The following FLRT1 variants were observed in gnomAD, a reference collection of about 807,000 sequenced individuals.
FLRT1 encodes the protein fibronectin leucine rich transmembrane protein 1.
A neutral mutation model predicts 30.9 loss-of-function variants in FLRT1; 14 were observed. The observed-to-expected ratio is 0.45, with a 90% CI of 0.30 to 0.71. FLRT1 has a LOEUF of 0.71. Ranked by LOEUF, FLRT1 falls within the 30% of genes least tolerant of loss-of-function variation. The pLI is 0.08. For synonymous variants in FLRT1, 368 were observed against 430.4 expected (o/e 0.85, Z 1.80); for missense variants, 737 against 949.2 (o/e 0.78, Z 2.94).
chr11:64,074,308 G>A (rs1944162522), intron 1 of FLRT1, among the ~76,000 whole-genome samples: 1 of 152,146 alleles, frequency 6.6e-6, no homozygotes, highest in South Asian at 2.1e-4. Context: ...CCTAGCTGCC[G>A]AGCTCCTATG....
intron 1 of FLRT1, chr11:64,081,915 C>A (rs1404276810): frequency 6.6e-6 from 1 of 152,200 alleles, no homozygotes; most frequent in Admixed American, 6.5e-5. Context: ...CTGCAGCCCT[C>A]TGGACTCCCG....
chr11:64,046,291 G>A (rs1037822444), intron 1 of FLRT1, among the ~76,000 whole-genome samples: 1 of 152,206 alleles, frequency 6.6e-6, no homozygotes. Context: ...GAACCTTCTA[G>A]TAGCAAACTT....
intron 1 of FLRT1, among the ~76,000 whole-genome samples, chr11:64,047,312 G>T (rs1943602836): frequency 6.6e-6 from 1 of 152,166 alleles, no homozygotes; most frequent in Non-Finnish European, 1.5e-5. Context: ...CCCTGGGAGT[G>T]GGTAGCGTGA....
At chr11:64,112,084 C>A (rs183491240) in intron 2 of FLRT1, among the ~76,000 whole-genome samples, 1 of 152,336 alleles carries the variant, frequency 6.6e-6, no homozygotes, top group African/African-American at 2.4e-5. Context: ...CCTCTGTTCT[C>A]TCATCTACAG....
intron 2 of FLRT1, among the ~76,000 whole-genome samples, chr11:64,105,639 A>G (rs1435829634): frequency 6.6e-6 from 1 of 152,142 alleles, no homozygotes; most frequent in Non-Finnish European, 1.5e-5. Context: ...GTGACCCCAC[A>G]GGCGTGAGTG....
chr11:64,072,547 T>C (rs11231689), intron 1 of FLRT1, among the ~76,000 whole-genome samples: 1 of 152,186 alleles, frequency 6.6e-6, no homozygotes, highest in South Asian at 2.1e-4. Flanking sequence ...ACTAATAACA[T>C]AGCAGCTGCG....
chr11:64,090,099 G>T lies in FLRT1; in HGVS notation c.-1037-13095G>T, dbSNP rs1944463044. On this transcript the variant is annotated intron_variant, in intron 1 of 2. Coordinates refer to ENST00000682287, the MANE Select transcript of FLRT1 (RefSeq NM_013280.5). This position sits in a 1 kb window ranked among gnomAD's most constrained non-coding sequence, Gnocchi z 4.7. ...TGAGCCCAGAACCTTCTAGAATGGGGCTGGGGGAGGGGAAGATATGCACCC... is the reference window on the plus strand; with the variant it reads ...TGAGCCCAGAACCTTCTAGAATGGGTCTGGGGGAGGGGAAGATATGCACCC... Among the ~76,000 whole-genome samples, 1 of 152,162 alleles carries T rather than the reference G, an allele frequency of 6.6e-6. No individual in the cohort carries two copies.
At position 64,117,133 on chromosome 11, in the gene FLRT1, C is replaced by G; in HGVS notation, c.866C>G (p.Thr289Arg). The change falls in exon 3 of 3, where the codon ACG (threonine) becomes AGG (arginine). Residue 289 changes from threonine to arginine, a missense_variant. Thr to Arg is a moderately conservative substitution (Grantham distance 71). Transcript: ENST00000682287. ...GCCATCAGCCACATCCCCTACAACA[C>G]GCTGGCCAAGATGCGTGAGCTGGAG... is the stretch of plus-strand genomic sequence containing the variant. ...DNAISHIPYN[T>R]LAKMRELERL... 1 of 1,612,756 alleles carries G rather than the reference C, an allele frequency of 6.2e-7. No homozygotes were observed. Among genetic ancestry groups the G allele is most frequent in the Non-Finnish European group, 8.5e-7 (1 of 1,179,400 alleles).
At chr11:64,062,085 TG>T (rs900243517) in intron 1 of FLRT1, among the ~76,000 whole-genome samples, 1 of 151,640 alleles carries the variant, frequency 6.6e-6, no homozygotes, top group Non-Finnish European at 1.5e-5. Flanking sequence ...CTTCTCTGCC[TG>T]GGGGATGTCT....
chr11:64,104,930 C>A (rs185885242), intron 2 of FLRT1, among the ~76,000 whole-genome samples: 133 of 152,340 alleles, frequency 8.7e-4, no homozygotes, highest in African/African-American at 3.1e-3. Context: ...CCAGCAACCT[C>A]AAGCCTCTGT....
chr11:64,110,011 C>T (rs912761193), intron 2 of FLRT1, among the ~76,000 whole-genome samples: 1 of 152,160 alleles, frequency 6.6e-6, no homozygotes, highest in Non-Finnish European at 1.5e-5. Flanking sequence ...TCGGGGGCAT[C>T]CAGATCACAC....
chr11:64,095,968 T>C (rs1944568809), intron 1 of FLRT1, among the ~76,000 whole-genome samples: 1 of 57,900 alleles, frequency 1.7e-5, no homozygotes, highest in African/African-American at 4.7e-5. Context: ...TCTCCAGCAG[T>C]GGTCCCCCCA....
At chr11:64,110,975 G>A (rs541601174) in intron 2 of FLRT1, among the ~76,000 whole-genome samples, 5 of 152,342 alleles carry the variant, frequency 3.3e-5, no homozygotes, top group African/African-American at 1.2e-4. Context: ...CGGCAGGGGA[G>A]CCTTTGGCCA....
chr11:64,117,946 C>T lies in FLRT1; in HGVS notation c.1679C>T (p.Ala560Val). 6 of 1,613,442 alleles carry T rather than the reference C, an allele frequency of 3.7e-6. No homozygotes were observed. Among genetic ancestry groups the T allele is most frequent in the Non-Finnish European group, 5.1e-6 (6 of 1,179,844 alleles). The change falls in exon 3 of 3, where the codon GCA (alanine) becomes GTA (valine). Residue 560 changes from alanine (A) to valine (V), a missense_variant. Transcript: ENST00000682287. ...CCCCTGGCGGGCATCATCGGCGGGG[C>T]AGTGGCTCTGGTCTTCCTCTTCCTG... ...SLPLAGIIGG[A>V]VALVFLFLVL...
rs1277147070 is a variant in FLRT1 at position 64,085,262 on chromosome 11, C to CG, written c.-1037-17930dup. Among the ~76,000 whole-genome samples, 2 of 152,172 alleles carry CG rather than the reference C, an allele frequency of 1.3e-5. 1 individual carries two copies. The highest frequency in any genetic ancestry group is 2.9e-5 in the Non-Finnish European group (2 of 68,028). ...AGAGCAGCGCTGTCCCTGGGCACCA[C>CG]GGAGGTGGTTCCTGGCCAGAGCTGA... On this transcript the variant is annotated intron_variant, in intron 1 of 2. Coordinates refer to ENST00000682287, the MANE Select transcript of FLRT1 (RefSeq NM_013280.5).
At chr11:64,105,429 G>A (rs1944743991) in intron 2 of FLRT1, among the ~76,000 whole-genome samples, 1 of 152,214 alleles carries the variant, frequency 6.6e-6, no homozygotes, top group Non-Finnish European at 1.5e-5. Context: ...TTGGGGCCTG[G>A]CCCTCTGGTT....
chr11:64,049,488 A>G (rs1365697730), intron 1 of FLRT1, among the ~76,000 whole-genome samples: 1 of 152,162 alleles, frequency 6.6e-6, no homozygotes, highest in Admixed American at 6.5e-5. Flanking sequence ...GGGAGGTATG[A>G]GGAAACTGAG....
At chr11:64,038,513 G>C (rs1457896645) in intron 1 of FLRT1, among the ~76,000 whole-genome samples, 4 of 152,176 alleles carry the variant, frequency 2.6e-5, no homozygotes, top group Non-Finnish European at 5.9e-5. Context: ...GTAGAGCCCA[G>C]AGGCCAGCAC....
chr11:64,105,191 CG>C (rs1170830709), intron 2 of FLRT1, among the ~76,000 whole-genome samples: 1 of 152,206 alleles, frequency 6.6e-6, no homozygotes, highest in Non-Finnish European at 1.5e-5. Flanking sequence ...ACAGCGGGGC[CG>C]CGAGCGTGCC....
Sources: gnomAD v4.1 joint callset for allele counts (sites outside exome capture counted in the v4.1 genomes callset) on GRCh38, gnomAD v4.1.1 for gene constraint, Gnocchi (gnomAD v3.1) non-coding constraint, MANE v1.5 for transcripts, NCBI Gene and HGNC (gene_info 2026-07-23, HGNC 2026-07-21) for gene names.